ROBO2: variants seen among roughly 807,000 people sequenced by gnomAD.
ROBO2 encodes roundabout guidance receptor 2, also known as roundabout homolog 2.
In ROBO2, 53 loss-of-function variants were observed where a neutral mutation model predicts 160.8. The observed-to-expected ratio is 0.33, with a 90% CI of 0.26 to 0.41. ROBO2 has a LOEUF of 0.41. ROBO2 is among the 10% of genes least tolerant of loss of function. The pLI is 1.00. For missense variants in ROBO2, 1,577 were observed against 1,722.4 expected, an observed-to-expected ratio of 0.92 and a Z score of 1.49; for synonymous variants, 664 against 611.7, an observed-to-expected ratio of 1.09 and a Z score of -1.26.
intron 2 of ROBO2, among the ~76,000 whole-genome samples, chr3:77,298,585 C>A (rs2062361820): frequency 6.6e-6 from 1 of 151,966 alleles, no homozygotes; most frequent in Non-Finnish European, 1.5e-5. Context: ...TGGGAAACCA[C>A]CATTAAGGGT....
At chr3:77,473,369 A>G (rs979083480) in intron 2 of ROBO2, among the ~76,000 whole-genome samples, 5 of 150,420 alleles carry the variant, frequency 3.3e-5, no homozygotes, top group African/African-American at 1.2e-4. Flanking sequence ...CTATCGGCAC[A>G]GCTGCGGCAT....
chr3:77,253,759 T>G (rs897429803), intron 2 of ROBO2, among the ~76,000 whole-genome samples: 7 of 152,180 alleles, frequency 4.6e-5, no homozygotes, highest in Non-Finnish European at 1.0e-4. Context: ...AGGCTGCAGT[T>G]TTCAGAGACA....
At chr3:77,469,684 G>GAT (rs2083152955) in intron 2 of ROBO2, among the ~76,000 whole-genome samples, 1 of 152,094 alleles carries the variant, frequency 6.6e-6, no homozygotes, top group African/African-American at 2.4e-5. Flanking sequence ...TTATTTTACA[G>GAT]ATATATGAGT....
intron 2 of ROBO2, among the ~76,000 whole-genome samples, chr3:76,256,773 A>G (rs1706418860): frequency 6.6e-6 from 1 of 152,020 alleles, no homozygotes; most frequent in Non-Finnish European, 1.5e-5. Context: ...TATAAGAAAA[A>G]GAGATTTAAT....
intron 13 of ROBO2, 83 bp from the exon 15 acceptor site, chr3:77,574,402 TGAGGACAGAAATGG>T: frequency 1.0e-6 from 1 of 1,002,594 alleles, no homozygotes; most frequent in Non-Finnish European, 1.6e-6. Flanking sequence ...TTGATAGTTA[TGAGGACAGAAATGG>T]GACAAATGAA....
chr3:76,326,531 G>T (rs1296553489), intron 2 of ROBO2, among the ~76,000 whole-genome samples: 1 of 151,808 alleles, frequency 6.6e-6, no homozygotes, highest in East Asian at 1.9e-4. Context: ...ATATTACATT[G>T]CATAATGCAT....
chr3:76,531,925 A>T (rs1030222242), intron 2 of ROBO2, among the ~76,000 whole-genome samples: 2 of 152,116 alleles, frequency 1.3e-5, no homozygotes, highest in Non-Finnish European at 2.9e-5. Flanking sequence ...CACTTTTTAG[A>T]TGAGAAAATG....
At chr3:77,118,521 T>C (rs1031584942) in intron 2 of ROBO2, among the ~76,000 whole-genome samples, 1 of 152,202 alleles carries the variant, frequency 6.6e-6, no homozygotes, top group Admixed American at 6.5e-5. Context: ...TCAGATGTTT[T>C]ACACAGTTAT....
At chr3:76,637,388 A>ATTTCTTTC (rs1226164784) in intron 2 of ROBO2, among the ~76,000 whole-genome samples, 1 of 151,352 alleles carries the variant, frequency 6.6e-6, no homozygotes, top group Non-Finnish European at 1.5e-5. Flanking sequence ...AAAGACCTGC[A>ATTTCTTTC]TTTCTTTCTT....
intron 1 of ROBO2, among the ~76,000 whole-genome samples, chr3:75,911,777 C>G (rs1211096049): frequency 1.3e-5 from 2 of 151,664 alleles, no homozygotes; most frequent in East Asian, 2.0e-4. Flanking sequence ...AGGATGGTCT[C>G]GATCTCCTGA....
At chr3:76,467,684 A>G (rs948200401) in intron 2 of ROBO2, among the ~76,000 whole-genome samples, 2 of 152,092 alleles carry the variant, frequency 1.3e-5, no homozygotes, top group African/African-American at 4.8e-5. Flanking sequence ...GGAAGCCTGA[A>G]GTATACTGGG....
chr3:76,806,447 A>G (rs1007473982), intron 2 of ROBO2, among the ~76,000 whole-genome samples: 2 of 151,954 alleles, frequency 1.3e-5, no homozygotes, highest in African/African-American at 4.8e-5. Flanking sequence ...GAAATATTTT[A>G]GCAAACTCAT....
intron 6 of ROBO2, among the ~76,000 whole-genome samples, chr3:77,544,344 C>A (rs1202552698): frequency 1.3e-5 from 2 of 151,842 alleles, no homozygotes; most frequent in African/African-American, 2.4e-5. Flanking sequence ...ACAAGGCAAC[C>A]TATACCACGC....
At chr3:76,307,389 A>G (rs1048939540) in intron 2 of ROBO2, among the ~76,000 whole-genome samples, 4 of 152,044 alleles carry the variant, frequency 2.6e-5, no homozygotes, top group Admixed American at 1.3e-4. Context: ...ACCATTCTTT[A>G]TGGCCTGCAT....
At position 77,625,402 on chromosome 3, in the gene ROBO2, G is replaced by A. The variant is rs540746047; in HGVS notation, c.3760+2970G>A. Among the ~76,000 whole-genome samples, 44 of 148,620 alleles carry A rather than the reference G, an allele frequency of 3.0e-4. No individual in the cohort carries two copies. The South Asian group carries it at 6.2e-3, about 21-fold the overall frequency. On this transcript the variant is annotated intron_variant, in intron 23 of 25. Transcript: ENST00000461745. The stretch of plus-strand genomic sequence containing the variant: ...TTCTTTCTTCTTTTTTTTTTTTGTC[G>A]GAGTCTCACTCTATCGCCAGGCTGG...
intron 1 of ROBO2, among the ~76,000 whole-genome samples, chr3:75,930,354 T>C (rs543953965): frequency 3.9e-5 from 6 of 152,236 alleles, no homozygotes; most frequent in African/African-American, 1.2e-4. Flanking sequence ...ATCCGTACTC[T>C]CTTGCTTTCA....
At chr3:75,923,379 C>A (rs1196695247) in intron 1 of ROBO2, among the ~76,000 whole-genome samples, 2 of 152,202 alleles carry the variant, frequency 1.3e-5, no homozygotes, top group Non-Finnish European at 2.9e-5. Context: ...TCTGCATTTA[C>A]ACAGACGTTT....
chr3:76,753,073 T>A (rs1388022106), intron 2 of ROBO2, among the ~76,000 whole-genome samples: 1 of 151,926 alleles, frequency 6.6e-6, no homozygotes, highest in Non-Finnish European at 1.5e-5. Flanking sequence ...AAAACATACG[T>A]ACACACAAAT....
chr3:76,445,148 A>G (rs1196006476), intron 2 of ROBO2, among the ~76,000 whole-genome samples: 1 of 152,204 alleles, frequency 6.6e-6, no homozygotes, highest in Non-Finnish European at 1.5e-5. Context: ...TAGTTAATCC[A>G]TAGAATAAAC....
Sources: gnomAD v4.1 joint callset for allele counts (sites outside exome capture counted in the v4.1 genomes callset) on GRCh38, gnomAD v4.1.1 for gene constraint, MANE v1.5 for transcripts, NCBI Gene and HGNC (gene_info 2026-07-23, HGNC 2026-07-21) for gene names.